The following CYP2C18 variants were observed in gnomAD, a reference collection of about 807,000 sequenced individuals.
CYP2C18 encodes the protein cytochrome P450 2C18.
A neutral mutation model predicts 41.3 loss-of-function variants in CYP2C18; 38 were observed. The observed-to-expected ratio is 0.92, with a 90% CI of 0.71 to 1.21. CYP2C18 has a LOEUF of 1.21. Ranked by LOEUF, CYP2C18 falls within the 50% of genes most tolerant of loss-of-function variation. The pLI is 0.00. For missense variants in CYP2C18, 635 were observed against 591.4 expected (o/e 1.07, Z -0.77); for synonymous variants, 236 against 210.0 (o/e 1.12, Z -1.07).
At chr10:94,700,304 A>G (rs932144334) in intron 4 of CYP2C18, among the ~76,000 whole-genome samples, 8 of 152,226 alleles carry the variant, frequency 5.3e-5, no homozygotes, top group African/African-American at 1.9e-4. Context: ...AACAGAACAG[A>G]GCCCTCAGAA....
chr10:94,715,595 T>C (rs1441332089), intron 5 of CYP2C18, among the ~76,000 whole-genome samples: 3 of 152,186 alleles, frequency 2.0e-5, no homozygotes, highest in African/African-American at 7.2e-5. Flanking sequence ...AGTATTTTAT[T>C]GAGGATTTTT....
chr10:94,714,322 A>G (rs1360595697), intron 5 of CYP2C18, among the ~76,000 whole-genome samples: 1 of 152,194 alleles, frequency 6.6e-6, no homozygotes, highest in Non-Finnish European at 1.5e-5. Flanking sequence ...TCTGACATTT[A>G]TGTCTTTAAT....
chr10:94,687,699 C>A, intron 1 of CYP2C18, 71 bp from the exon 2 acceptor site: 2 of 1,290,970 alleles, frequency 1.5e-6, no homozygotes, highest in South Asian at 1.4e-5. Flanking sequence ...TAATATCAGT[C>A]TGAATCACGG....
chr10:94,697,953 C>A (rs1847153086), intron 4 of CYP2C18, among the ~76,000 whole-genome samples: 1 of 152,134 alleles, frequency 6.6e-6, no homozygotes, highest in Non-Finnish European at 1.5e-5. Flanking sequence ...TATATGCACC[C>A]AATACAGGAG....
chr10:94,714,537 A>T (rs931760302), intron 5 of CYP2C18, among the ~76,000 whole-genome samples: 2 of 152,080 alleles, frequency 1.3e-5, no homozygotes, highest in African/African-American at 4.8e-5. Flanking sequence ...ATTGGTCTAT[A>T]TCTCTGTGTC....
intron 5 of CYP2C18, among the ~76,000 whole-genome samples, chr10:94,717,854 A>G (rs1377735180): frequency 1.3e-5 from 2 of 152,010 alleles, no homozygotes; most frequent in African/African-American, 4.8e-5. Context: ...AATTACTATT[A>G]ATTTGTAGTA....
chr10:94,715,125 AC>A (rs1238037659), intron 5 of CYP2C18, among the ~76,000 whole-genome samples: 1 of 152,190 alleles, frequency 6.6e-6, no homozygotes, highest in Non-Finnish European at 1.5e-5. Flanking sequence ...TCATCTACAA[AC>A]AGGAACAATT....
At chr10:94,717,803 T>C (rs1385593633) in intron 5 of CYP2C18, among the ~76,000 whole-genome samples, 1 of 152,158 alleles carries the variant, frequency 6.6e-6, no homozygotes, top group Non-Finnish European at 1.5e-5. Flanking sequence ...TATATTCTGT[T>C]GGTTGATGTG....
chr10:94,701,636 A>G (rs958828382), intron 4 of CYP2C18, among the ~76,000 whole-genome samples: 2 of 152,234 alleles, frequency 1.3e-5, no homozygotes, highest in Non-Finnish European at 2.9e-5. Flanking sequence ...AATTAAAAAA[A>G]GAAATTCCTC....
chr10:94,714,419 A>G (rs1363129625), intron 5 of CYP2C18, among the ~76,000 whole-genome samples: 1 of 152,146 alleles, frequency 6.6e-6, no homozygotes, highest in African/African-American at 2.4e-5. Flanking sequence ...TCCCAGTACC[A>G]TTTATTAAAT....
chr10:94,688,243 C>A lies in CYP2C18; in HGVS notation c.450C>A (p.Arg150=). The change falls in exon 3 of 9, where the codon CGC becomes CGA. Residue 150 remains arginine (R), a synonymous_variant. Coordinates refer to ENST00000285979, the MANE Select transcript of CYP2C18 (RefSeq NM_000772.3). ...AGGACCGTGTTCAAGAGGAAGCCCG[C>A]TGCCTTGTGGAGGAGTTGAGAAAAA... ...SIEDRVQEEA[R]CLVEELRKTN... is the part of the protein sequence containing the mutation. 6.2e-7 allele frequency: 1 copy of A among 1,613,126 alleles called. No homozygotes were observed. The highest frequency in any genetic ancestry group is 8.5e-7 in the Non-Finnish European group (1 of 1,179,496).
intron 4 of CYP2C18, among the ~76,000 whole-genome samples, chr10:94,704,062 A>G (rs1160001572): frequency 6.6e-6 from 1 of 151,946 alleles, no homozygotes; most frequent in African/African-American, 2.4e-5. Flanking sequence ...GGCTGCACCC[A>G]CTGTCTAACT....
At position 94,683,742 on chromosome 10, in the gene CYP2C18, C is replaced by A; in HGVS notation, c.-78C>A. The A allele has an allele frequency of 9.0e-7, 1 of 1,108,516 alleles. No homozygotes were observed. The highest frequency in any genetic ancestry group is 1.3e-6 in the Non-Finnish European group (1 of 794,356). The allele number at this position is 1,108,516 out of a possible 1,614,324, so 68.7% of individuals were successfully genotyped here. On this transcript the variant is annotated 5_prime_UTR_variant, in exon 1 of 9. Transcript: ENST00000285979. ...CTAGTCACAGTCAGAGTCAGAATCA[C>A]AGGTGGATTAGTAGGGAGTGTTATA...
At chr10:94,700,015 G>T (rs4600139) in intron 4 of CYP2C18, among the ~76,000 whole-genome samples, 43,076 of 152,050 alleles carry the variant, frequency 0.28, 7,419 homozygotes, top group Admixed American at 0.43. Flanking sequence ...TTGCTCATGG[G>T]TAGGAAGAAT....
At chr10:94,703,918 G>A (rs1205778933) in intron 4 of CYP2C18, among the ~76,000 whole-genome samples, 5 of 152,222 alleles carry the variant, frequency 3.3e-5, no homozygotes, top group Admixed American at 6.5e-5. Flanking sequence ...TGCGAAGACC[G>A]TGGGAAAATT....
chr10:94,728,034 T>G (rs1340524172), intron 7 of CYP2C18, among the ~76,000 whole-genome samples: 1 of 152,180 alleles, frequency 6.6e-6, no homozygotes, highest in African/African-American at 2.4e-5. Flanking sequence ...AAAATATCTC[T>G]TATAGCTTTT....
At chr10:94,724,586 C>T (rs758811272) in intron 7 of CYP2C18, 53 bp downstream of exon 7, 549 of 1,496,256 alleles carry the variant, frequency 3.7e-4, no homozygotes, top group Non-Finnish European at 4.8e-4. Context: ...TCCCCAAATT[C>T]ATAGTATAGT....
intron 5 of CYP2C18, among the ~76,000 whole-genome samples, chr10:94,708,681 C>A (rs1008421149): frequency 6.6e-6 from 1 of 152,210 alleles, no homozygotes; most frequent in East Asian, 1.9e-4. Context: ...ACCACCACAA[C>A]CAATTTCAGA....
chr10:94,687,533 G>C (rs977372419), intron 1 of CYP2C18, among the ~76,000 whole-genome samples: 1 of 152,178 alleles, frequency 6.6e-6, no homozygotes, highest in Admixed American at 6.5e-5. Context: ...ACAAGGTGTT[G>C]ATGTGATGAT....
Sources: gnomAD v4.1 joint callset for allele counts (sites outside exome capture counted in the v4.1 genomes callset) on GRCh38, gnomAD v4.1.1 for gene constraint, MANE v1.5 for transcripts, NCBI Gene and HGNC (gene_info 2026-07-23, HGNC 2026-07-21) for gene names.